Variants in PMEL observed in about 807,000 individuals in gnomAD.
PMEL encodes premelanosome protein.
A neutral mutation model predicts 64.9 loss-of-function variants in PMEL; 53 were observed. The observed-to-expected ratio is 0.82, with a 90% CI of 0.66 to 1.03. The LOEUF is 1.03. Among genes scored for constraint, PMEL ranks in the 50% least tolerant of loss-of-function variants. The probability of loss-of-function intolerance (pLI) is 0.00; values close to 1 mark genes in which losing one functional copy is unlikely to be tolerated. For missense variants in PMEL, 716 were observed against 814.9 expected, an observed-to-expected ratio of 0.88 and a Z score of 1.48; for synonymous variants, 299 against 316.2, an observed-to-expected ratio of 0.95 and a Z score of 0.58.
intron 1 of PMEL, among the ~76,000 whole-genome samples, chr12:55,962,513 ACT>A (rs1889143841): frequency 1.0e-5 from 1 of 97,122 alleles, no homozygotes; most frequent in African/African-American, 4.0e-5. Flanking sequence ...ATTTATTATT[ACT>A]CTTTTTTTTT....
intron 8 of PMEL, 38 bp downstream of exon 8, chr12:55,955,741 C>T (rs1592765294): frequency 6.2e-7 from 1 of 1,609,616 alleles, no homozygotes. Context: ...GAGAAACAGT[C>T]AACCAAAGAG....
In PMEL at chr12:55,954,136, T is replaced by C. The variant is rs1888715492; in HGVS notation, c.*78A>G. 7.5e-7 allele frequency: 1 copy of C among 1,329,280 alleles called. No individual in the cohort carries two copies. The highest frequency in any genetic ancestry group is 1.0e-6 in the Non-Finnish European group (1 of 959,458). 82.3% of individuals were successfully genotyped at this position (1,329,280 alleles called of 1,614,324 possible). A position where few individuals can be genotyped will look rare whatever the true frequency, so the allele number is the denominator to read the frequency against. Reference sequence around the variant, plus strand: ...TCTGAGTATTTATTTCAGTTAATAGTAGTCTCCCAGGGAAGACTGGGGGAA... The same window carrying C: ...TCTGAGTATTTATTTCAGTTAATAGCAGTCTCCCAGGGAAGACTGGGGGAA... On this transcript the variant is annotated 3_prime_UTR_variant, in exon 11 of 11. Transcript: ENST00000548747.
chr12:55,958,285 G>T (rs371920310), intron 4 of PMEL, 188 bp downstream of exon 4: 1 of 775,250 alleles, frequency 1.3e-6, no homozygotes, highest in Non-Finnish European at 2.0e-6. Flanking sequence ...TTGAGGAAGA[G>T]TTGCCAGAAA....
intron 3 of PMEL, among the ~76,000 whole-genome samples, chr12:55,961,038 C>T (rs1889082252): frequency 1.3e-5 from 2 of 150,712 alleles, no homozygotes; most frequent in African/African-American, 2.4e-5. Flanking sequence ...CCTGTCTCTA[C>T]TAAAAATACA....
chr12:55,958,669 C>G (rs1888991938), intron 3 of PMEL, 62 bp from the exon 4 acceptor site: 1 of 1,544,958 alleles, frequency 6.5e-7, no homozygotes, highest in African/African-American at 1.4e-5. Context: ...ATCAAAACCC[C>G]TAAAATTGCT....
intron 1 of PMEL, among the ~76,000 whole-genome samples, chr12:55,962,365 C>T (rs773226982): frequency 4.1e-5 from 6 of 146,964 alleles, no homozygotes; most frequent in Non-Finnish European, 9.0e-5. Context: ...ATTGCTTGAA[C>T]CCGGGAGGCA....
chr12:55,957,593 G>A lies in PMEL; in HGVS notation c.710C>T (p.Pro237Leu), dbSNP rs749419239. The A allele has an allele frequency of 1.5e-5, 25 of 1,613,672 alleles. No individual in the cohort carries two copies. Residue 237 changes from proline to leucine, a missense_variant, in exon 6 of 11, where the codon CCT becomes CTT. Coordinates refer to ENST00000548747, the MANE Select transcript of PMEL (RefSeq NM_001384361.1). ...GGNKHFLRNQ[P>L]LTFALQLHDP... ...ATGGAGCTGGAGGGCAAAGGTCAGA[G>A]GCTGATTTCTCAGGAAGTGCTTGTT...
rs758241303 is a variant in PMEL at position 55,957,976 on chromosome 12, C to G, written c.578G>C (p.Gly193Ala). The G allele has an allele frequency of 6.2e-7, 1 of 1,614,092 alleles. No homozygotes were observed. The highest frequency in any genetic ancestry group is 8.5e-7 in the Non-Finnish European group (1 of 1,180,048). Residue 193 changes from glycine (G) to alanine (A), a missense_variant, in exon 5 of 11, where the codon GGA (glycine) becomes GCA (alanine). Coordinates refer to ENST00000548747, the MANE Select transcript of PMEL (RefSeq NM_001384361.1). ...AGCAAGAGGCACATAGCTCCGGGAT[C>G]CCCGGCGATGGTAGACAGTCACTTC... is the stretch of plus-strand genomic sequence containing the variant. ...TMEVTVYHRR[G>A]SRSYVPLAHS...
chr12:55,965,163 G>A (rs1243415041), intron 1 of PMEL, among the ~76,000 whole-genome samples: 1 of 151,804 alleles, frequency 6.6e-6, no homozygotes, highest in Non-Finnish European at 1.5e-5. Context: ...TCCTGACCTC[G>A]TGATCCACCT....
chr12:55,966,063 C>G, upstream of PMEL: 1 of 1,613,790 alleles, frequency 6.2e-7, no homozygotes. Flanking sequence ...GGATAGGCCC[C>G]TATATAAGAA....
At chr12:55,964,958 C>T (rs1194493582) in intron 1 of PMEL, among the ~76,000 whole-genome samples, 2 of 141,114 alleles carry the variant, frequency 1.4e-5, no homozygotes, top group African/African-American at 2.6e-5. Context: ...GACGGAGACT[C>T]GCTCTGTCAC....
intron 3 of PMEL, 136 bp from the exon 4 acceptor site, chr12:55,958,743 T>C (rs1025938878): frequency 1.1e-6 from 1 of 885,970 alleles, no homozygotes; most frequent in South Asian, 1.7e-5. Context: ...CTCCATGATA[T>C]AACCATTTGG....
At position 55,958,529 on chromosome 12, in the gene PMEL, C is replaced by T; in HGVS notation, c.413G>A (p.Cys138Tyr). The change falls in exon 4 of 11, where the codon TGC becomes TAC. Residue 138 changes from cysteine (C) to tyrosine (Y), a missense_variant. Physicochemically the swap from Cys to Tyr is radical, Grantham distance 194. Transcript: ENST00000548747. ...CTTCTGAGACCAAGAGCCAGATGGGCAAGGTCCACCATCAGGGAAGATGCA... is the reference window on the plus strand; with the variant it reads ...CTTCTGAGACCAAGAGCCAGATGGGTAAGGTCCACCATCAGGGAAGATGCA... ...DACIFPDGGP[C>Y]PSGSWSQKRS... 6.2e-7 allele frequency: 1 copy of T among 1,614,108 alleles called. No homozygotes were observed. The highest frequency in any genetic ancestry group is 8.5e-7 in the Non-Finnish European group (1 of 1,179,980).
chr12:55,957,383 G>A lies in PMEL; in HGVS notation c.920C>T (p.Pro307Leu), dbSNP rs775241023. The A allele has an allele frequency of 3.8e-6, 6 of 1,598,192 alleles. No homozygotes were observed. The highest frequency in any genetic ancestry group is 5.1e-6 in the Non-Finnish European group (6 of 1,170,988). Reference protein sequence around the residue: ...PLTSCGSSPVPGTTDGHRPTA... With the variant: ...PLTSCGSSPVLGTTDGHRPTA... ...TGGCCTGTGCCCATCTGTGGTGCCT[G>A]GAACTGGGGAGGAGCCACAGGAGGT... Residue 307 changes from proline (P) to leucine (L), a missense_variant, in exon 6 of 11, where the codon CCA (proline) becomes CTA (leucine). Pro to Leu is a moderately conservative substitution (Grantham distance 98, BLOSUM62 -3). Transcript: ENST00000548747.
chr12:55,954,390 A>G (rs373425172), intron 10 of PMEL, 41 bp from the exon 11 acceptor site: 13 of 1,611,362 alleles, frequency 8.1e-6, no homozygotes, highest in Non-Finnish European at 1.1e-5. Context: ...GCAATGGACA[A>G]AGGTAGCTTG....
chr12:55,955,001 G>A (rs1353946377), intron 10 of PMEL, among the ~76,000 whole-genome samples: 2 of 152,078 alleles, frequency 1.3e-5, no homozygotes, highest in Admixed American at 6.5e-5. Context: ...TTGCTTCAGA[G>A]CCAGGTGCTT....
rs533532382 is a variant in PMEL at position 55,961,730 on chromosome 12, G to T, written c.79C>A (p.Pro27Thr). 6.2e-7 allele frequency: 1 copy of T among 1,610,544 alleles called. No homozygotes were observed. The highest frequency in any genetic ancestry group is 2.2e-5 in the East Asian group (1 of 44,868). Residue 27 changes from proline to threonine, a missense_variant and splice_region_variant, in exon 2 of 11, where the codon CCC becomes ACC. Transcript: ENST00000548747. ...ACACCAAGCCAGTCCTGGTTTCTGG[G>T]TACTAAAAGGAATGTGCCATGAAGG... ...ALLAVGATKV[P>T]RNQDWLGVSR...
At chr12:55,956,888 A>T in intron 6 of PMEL, 61 bp downstream of exon 6, 2 of 1,552,118 alleles carry the variant, frequency 1.3e-6, no homozygotes, top group Non-Finnish European at 1.8e-6. Context: ...CCTGGGTAAG[A>T]CTTACAGAGT....
At chr12:55,966,638 C>T (rs1889311939), upstream of PMEL, 1 of 1,049,554 alleles carries the variant, frequency 9.5e-7, no homozygotes, top group Non-Finnish European at 1.2e-6. Flanking sequence ...GCCGCCCCAC[C>T]GGGGAAGAAA....
Sources: allele counts gnomAD v4.1 joint callset (sites outside exome capture counted in the v4.1 genomes callset), GRCh38; gene constraint gnomAD v4.1.1; transcripts MANE v1.5; gene names NCBI Gene and HGNC (gene_info 2026-07-23, HGNC 2026-07-21).